SNTG2: variants seen among roughly 807,000 people sequenced by gnomAD.
SNTG2 encodes the protein syntrophin gamma 2, also known as gamma-2-syntrophin.
SNTG2 carries 74 observed loss-of-function variants against 70.9 expected under a neutral mutation model. The ratio of observed to expected loss-of-function variants is 1.04; its 90% CI spans 0.86 to 1.27. The LOEUF is 1.27. SNTG2 is among the 50% of genes most tolerant of loss of function. The pLI is 0.00. For missense variants in SNTG2, 717 were observed against 690.7 expected (o/e 1.04, Z -0.43); for synonymous variants, 278 against 273.8 (o/e 1.02, Z -0.15).
At chr2:1,255,907 A>AATATATATATAAAT (rs1678076387) in intron 12 of SNTG2, among the ~76,000 whole-genome samples, 1 of 64,376 alleles carries the variant, frequency 1.6e-5, no homozygotes, top group Non-Finnish European at 2.8e-5. Context: ...TATATATATA[A>AATATATATATAAAT]ATATATATAT....
chr2:1,255,646 G>T lies in SNTG2; in HGVS notation c.1006-3724G>T, dbSNP rs1280442217. On this transcript the variant is annotated intron_variant, in intron 12 of 16. Transcript: ENST00000308624. Reference sequence around the variant, plus strand: ...AATCTGCATCGGCAGGTGACGCCTGGCCACACTCAGGCATGGCACAAACAC... The same window carrying T: ...AATCTGCATCGGCAGGTGACGCCTGTCCACACTCAGGCATGGCACAAACAC... Among the ~76,000 whole-genome samples the T allele has an allele frequency of 2.0e-5, 3 of 151,624 alleles. No individual in the cohort carries two copies. In the East Asian group the frequency reaches 5.8e-4, roughly 29 times the overall value.
intron 9 of SNTG2, among the ~76,000 whole-genome samples, chr2:1,228,069 A>C (rs1159187041): frequency 6.6e-6 from 1 of 152,068 alleles, no homozygotes; most frequent in Admixed American, 6.5e-5. Flanking sequence ...TGAGTGCTGC[A>C]CTGTGTGGAC....
intron 14 of SNTG2, among the ~76,000 whole-genome samples, chr2:1,294,418 G>T (rs923333980): frequency 6.6e-6 from 1 of 152,332 alleles, no homozygotes; most frequent in East Asian, 1.9e-4. Flanking sequence ...TTTGAGAAAT[G>T]AATGAATTTA....
chr2:1,280,617 A>G (rs1022645333), intron 14 of SNTG2, among the ~76,000 whole-genome samples: 4 of 152,230 alleles, frequency 2.6e-5, no homozygotes, highest in African/African-American at 9.6e-5. Context: ...GCCTCATCCA[A>G]ATTTATGTTA....
intron 16 of SNTG2, among the ~76,000 whole-genome samples, chr2:1,366,894 G>C (rs375830610): frequency 9.9e-5 from 15 of 152,248 alleles, no homozygotes; most frequent in African/African-American, 3.6e-4. Flanking sequence ...ACGGCGGCCT[G>C]AGACACAATG....
At chr2:1,245,688 A>G (rs1420511838) in intron 11 of SNTG2, among the ~76,000 whole-genome samples, 1 of 152,240 alleles carries the variant, frequency 6.6e-6, no homozygotes, top group Admixed American at 6.5e-5. Flanking sequence ...AAATATAAGT[A>G]TGTGACCCAA....
chr2:1,225,992 C>G (rs1344467903), intron 9 of SNTG2, among the ~76,000 whole-genome samples: 1 of 151,184 alleles, frequency 6.6e-6, no homozygotes, highest in Non-Finnish European at 1.5e-5. Context: ...ATACCATTCA[C>G]TACACTGGAA....
intron 1 of SNTG2, among the ~76,000 whole-genome samples, chr2:1,025,702 GCCTTATGGAGGCC>G: frequency 6.6e-6 from 1 of 152,122 alleles, no homozygotes; most frequent in Non-Finnish European, 1.5e-5. Flanking sequence ...TCCCCTCTCT[GCCTTATGGAGGCC>G]CCTGTGATGA....
At chr2:982,625 C>T (rs1444007402) in intron 1 of SNTG2, among the ~76,000 whole-genome samples, 1 of 152,254 alleles carries the variant, frequency 6.6e-6, no homozygotes, top group Non-Finnish European at 1.5e-5. Context: ...GAACACCCTT[C>T]ATATTAAAGT....
intron 1 of SNTG2, among the ~76,000 whole-genome samples, chr2:975,837 G>T (rs1284960146): frequency 2.6e-5 from 4 of 152,160 alleles, no homozygotes; most frequent in Non-Finnish European, 4.4e-5. Context: ...TATTCCCCAA[G>T]ATCTCTTTCA....
At chr2:1,216,612 TA>T (rs1338201071) in intron 9 of SNTG2, among the ~76,000 whole-genome samples, 2 of 152,204 alleles carry the variant, frequency 1.3e-5, no homozygotes, top group Admixed American at 1.3e-4. Flanking sequence ...TCAGGTTATC[TA>T]ATCTGTTGAC....
chr2:1,204,092 A>G (rs1033153276), intron 8 of SNTG2, among the ~76,000 whole-genome samples: 1 of 152,224 alleles, frequency 6.6e-6, no homozygotes, highest in Non-Finnish European at 1.5e-5. Context: ...AAACTAGTCT[A>G]TAACAGCAGA....
At chr2:1,073,820 C>T (rs74667051) in intron 1 of SNTG2, among the ~76,000 whole-genome samples, 1 of 152,132 alleles carries the variant, frequency 6.6e-6, no homozygotes, top group African/African-American at 2.4e-5. Context: ...GAAAACTTTG[C>T]ATTCTTTTCA....
intron 16 of SNTG2, chr2:1,346,345 A>T (rs915246152): frequency 3.3e-5 from 5 of 152,300 alleles, no homozygotes; most frequent in African/African-American, 1.2e-4. Flanking sequence ...AGGAAGCCCC[A>T]GTCCTAGGGA....
At position 1,091,317 on chromosome 2, in the gene SNTG2, G is replaced by T. The variant is rs79587496; in HGVS notation, c.211-6879G>T. Reference sequence around the variant, plus strand: ...CCAGGTCCCTGGACCACTTGGGACAGCTCCCCTGGAGGGCCAGGCCCATCA... The same window carrying T: ...CCAGGTCCCTGGACCACTTGGGACATCTCCCCTGGAGGGCCAGGCCCATCA... On this transcript the variant is annotated intron_variant, in intron 2 of 16. Transcript: ENST00000308624. 8.4e-4 allele frequency among the ~76,000 whole-genome samples: 128 copies of T among 152,278 alleles called. 3 individuals are homozygous for T. In the East Asian group the frequency reaches 0.023, roughly 27 times the overall value.
chr2:1,153,727 C>T (rs1420035044), intron 6 of SNTG2, among the ~76,000 whole-genome samples: 1 of 152,198 alleles, frequency 6.6e-6, no homozygotes, highest in East Asian at 1.9e-4. Flanking sequence ...CAGTAAAATG[C>T]AGGTTATTTA....
In SNTG2 at chr2:1,209,145, T is replaced by C. The variant is rs776136603; in HGVS notation, c.634T>C (p.Tyr212His). 1 of 1,613,936 alleles carries C rather than the reference T, an allele frequency of 6.2e-7. No homozygotes were observed. Among genetic ancestry groups the C allele is most frequent in the Non-Finnish European group, 8.5e-7 (1 of 1,179,874 alleles). ...PSSPIAKDPR[Y>H]EKRWLDTLSV... ...CTCGCCCATAGCTAAGGACCCGAGGTATGAGAAGCGCTGGCTGGACACCTT... is the reference window on the plus strand; with the variant it reads ...CTCGCCCATAGCTAAGGACCCGAGGCATGAGAAGCGCTGGCTGGACACCTT... Residue 212 changes from tyrosine to histidine, a missense_variant, in exon 9 of 17, where the codon TAT becomes CAT. Coordinates refer to ENST00000308624, the MANE Select transcript of SNTG2 (RefSeq NM_018968.4).
chr2:995,273 A>T (rs1661640982), intron 1 of SNTG2, among the ~76,000 whole-genome samples: 1 of 152,044 alleles, frequency 6.6e-6, no homozygotes, highest in Non-Finnish European at 1.5e-5. Flanking sequence ...TTATCATGAA[A>T]GGCTGTTGGA....
At chr2:1,122,203 C>T in intron 4 of SNTG2, among the ~76,000 whole-genome samples, 1 of 152,138 alleles carries the variant, frequency 6.6e-6, no homozygotes, top group East Asian at 1.9e-4. Flanking sequence ...ATGAATACTT[C>T]TCAAACTCTT....
Sources: allele counts gnomAD v4.1 joint callset (sites outside exome capture counted in the v4.1 genomes callset), GRCh38; gene constraint gnomAD v4.1.1; transcripts MANE v1.5; gene names NCBI Gene and HGNC (gene_info 2026-07-23, HGNC 2026-07-21).